Variants in KIF17 observed in about 807,000 individuals in gnomAD.
KIF17 encodes the protein kinesin family member 17.
Under a neutral mutation model 96.8 loss-of-function variants are expected in KIF17, and 80 were observed. The observed-to-expected ratio is 0.83, with a 90% CI of 0.69 to 1.00. The LOEUF (loss-of-function observed/expected upper bound fraction) is 1.00, where lower values mean the gene tolerates loss of function less well. KIF17 is among the 50% of genes least tolerant of loss of function. The pLI is 0.00. For missense variants in KIF17, 1,280 were observed against 1,372.9 expected (o/e 0.93, Z 1.07); for synonymous variants, 567 against 587.5 (o/e 0.97, Z 0.51).
chr1:20,673,524 G>A (rs986826355), intron 11 of KIF17, among the ~76,000 whole-genome samples: 8 of 146,230 alleles, frequency 5.5e-5, no homozygotes, highest in African/African-American at 2.0e-4. Flanking sequence ...CAGTGGCCCA[G>A]CCTGCTCCAT....
At position 20,711,701 on chromosome 1, in the gene KIF17, C is replaced by T. The variant is rs368396776; in HGVS notation, c.480+1753G>A. Among the ~76,000 whole-genome samples the T allele has an allele frequency of 2.0e-5, 3 of 152,182 alleles. No individual in the cohort carries two copies. The East Asian group carries it at 5.8e-4, about 29-fold the overall frequency. ...GTGGCTAGGGGGAGGGGATAGAACT[C>T]TGCTTCCCCAAACCTCTTGCTGGCC... On this transcript the variant is annotated intron_variant, in intron 3 of 14. Transcript: ENST00000400463.
At chr1:20,673,320 C>T (rs1280410028) in intron 11 of KIF17, among the ~76,000 whole-genome samples, 2 of 152,100 alleles carry the variant, frequency 1.3e-5, no homozygotes, top group Non-Finnish European at 2.9e-5. Flanking sequence ...GTGGGCAGGA[C>T]AGCCACAGAG....
chr1:20,680,636 C>T (rs1046164034), intron 11 of KIF17, among the ~76,000 whole-genome samples: 2 of 152,006 alleles, frequency 1.3e-5, no homozygotes, highest in African/African-American at 4.8e-5. Context: ...CTTAAACAGG[C>T]ATTCACAGGT....
At chr1:20,680,771 C>G (rs1485287215) in intron 11 of KIF17, among the ~76,000 whole-genome samples, 2 of 151,926 alleles carry the variant, frequency 1.3e-5, no homozygotes, top group Non-Finnish European at 2.9e-5. Context: ...TTCAAGATAT[C>G]TACGGGAGAA....
At chr1:20,670,355 C>T in intron 13 of KIF17, 66 bp downstream of exon 13, 1 of 1,448,328 alleles carries the variant, frequency 6.9e-7, no homozygotes. Flanking sequence ...GTAACACTGA[C>T]CCACAGCACT....
chr1:20,669,315 A>G (rs1318201986), intron 13 of KIF17, among the ~76,000 whole-genome samples: 4 of 151,990 alleles, frequency 2.6e-5, no homozygotes, highest in Non-Finnish European at 4.4e-5. Context: ...AAGCGGGCAG[A>G]TCACGAGGTC....
intron 11 of KIF17, among the ~76,000 whole-genome samples, chr1:20,676,539 T>C (rs1185529355): frequency 5.3e-5 from 8 of 152,138 alleles, no homozygotes; most frequent in African/African-American, 1.9e-4. Context: ...AAAATGCAAA[T>C]TAAAATTGAT....
intron 12 of KIF17, among the ~76,000 whole-genome samples, chr1:20,671,615 G>A (rs960097380): frequency 1.3e-5 from 2 of 152,022 alleles, no homozygotes; most frequent in Admixed American, 6.6e-5. Flanking sequence ...GATTACAGGC[G>A]TGAGCCACCA....
At position 20,687,889 on chromosome 1, in the gene KIF17, C is replaced by T. The variant is rs1251082518; in HGVS notation, c.1437G>A (p.Glu479=). 1 of 1,613,852 alleles carries T rather than the reference C, an allele frequency of 6.2e-7. No homozygotes were observed. The highest frequency in any genetic ancestry group is 1.3e-5 in the African/African-American group (1 of 74,932). Residue 479 remains glutamate, a synonymous_variant, in exon 8 of 15, where the codon GAG becomes GAA. Transcript: ENST00000400463. This position sits in a 1 kb window ranked among gnomAD's most constrained non-coding sequence, Gnocchi z 4.4. ...LYKAEVMSRA[E]FASSAEYPPA... ...GCGGGTACTCAGCGCTGCTGGCAAA[C>T]TCAGCCCTGGACATGACCTCAGCCT...
At chr1:20,714,056 G>A (rs1171837989) in intron 2 of KIF17, among the ~76,000 whole-genome samples, 9 of 152,072 alleles carry the variant, frequency 5.9e-5, no homozygotes, top group East Asian at 1.9e-4. Context: ...GGCCAAGCGC[G>A]GTGGCTCACG....
At position 20,704,360 on chromosome 1, in the gene KIF17, G is replaced by A. The variant is rs1258218143; in HGVS notation, c.1123+87C>T. The A allele has an allele frequency of 9.1e-7, 1 of 1,096,762 alleles. No homozygotes were observed. The highest frequency in any genetic ancestry group is 1.4e-6 in the Non-Finnish European group (1 of 739,362). The allele number at this position is 1,096,762 out of a possible 1,614,324, so 67.9% of individuals were successfully genotyped here. ...GGATGCTGCTCCCACTGTCTTTTAG[G>A]TGGGAAGTTGGAGGCGAGAAGACAG... On this transcript the variant is annotated intron_variant, in intron 5 of 14. Transcript: ENST00000400463. This position sits in a 1 kb window ranked among gnomAD's most constrained non-coding sequence, Gnocchi z 6.8.
intron 2 of KIF17, among the ~76,000 whole-genome samples, chr1:20,714,066 G>A (rs1024969185): frequency 3.9e-5 from 6 of 152,102 alleles, no homozygotes; most frequent in Non-Finnish European, 7.4e-5. Flanking sequence ...GGTGGCTCAC[G>A]CCTGCAATCC....
chr1:20,684,316 A>G (rs1044239770), intron 10 of KIF17, among the ~76,000 whole-genome samples: 3 of 151,938 alleles, frequency 2.0e-5, no homozygotes, highest in Non-Finnish European at 2.9e-5. Context: ...CGCCTGTTGA[A>G]CCCCTGGATG....
chr1:20,663,213 G>A (rs906966872), downstream of KIF17, among the ~76,000 whole-genome samples: 2 of 152,122 alleles, frequency 1.3e-5, no homozygotes, highest in Non-Finnish European at 2.9e-5. Flanking sequence ...GTGACAGAGC[G>A]AGACTCAGTC....
chr1:20,672,084 T>A lies in KIF17; in HGVS notation c.2576A>T (p.Gln859Leu). The A allele has an allele frequency of 6.2e-7, 1 of 1,614,228 alleles. No individual in the cohort carries two copies. The part of the protein sequence containing the change: ...RQERDSMLLQ[Q>L]LLEQVQPLIR... ...CAGGGGCTGCACCTGCTCCAGGAGC[T>A]GCTGCAAGAGCATGGAGTCACGCTC... The change falls in exon 12 of 15, where the codon CAG becomes CTG. Residue 859 changes from glutamine (Q) to leucine (L), a missense_variant. Physicochemically the swap from Gln to Leu is moderately radical, Grantham distance 113. Transcript: ENST00000400463. The surrounding 1 kb of genome is among the most constrained non-coding windows in gnomAD (Gnocchi z 4.3).
chr1:20,684,135 A>G (rs934732113), intron 10 of KIF17, among the ~76,000 whole-genome samples: 2 of 152,224 alleles, frequency 1.3e-5, no homozygotes, highest in Non-Finnish European at 2.9e-5. Flanking sequence ...GAGCTAGTGG[A>G]GGAGGCAGGC....
In KIF17 at chr1:20,666,242, G is replaced by T; in HGVS notation, c.2880C>A (p.Ile960=). 1 of 1,614,080 alleles carries T rather than the reference G, an allele frequency of 6.2e-7. No homozygotes were observed. Among genetic ancestry groups the T allele is most frequent in the Non-Finnish European group, 8.5e-7 (1 of 1,179,904 alleles). ...NYFRSKRASQ[I]LSTDARKSLT... is the part of the protein sequence containing the mutation. ...GGCTCTTCCTGGCGTCTGTGCTGAG[G>T]ATCTGGCTGGCCCGCTTAGATCGGA... is the stretch of plus-strand genomic sequence containing the variant. The change falls in exon 14 of 15, where the codon ATC becomes ATA. Residue 960 remains isoleucine (I), a synonymous_variant. Transcript: ENST00000400463.
chr1:20,684,875 C>G lies in KIF17; in HGVS notation c.2165G>C (p.Gly722Ala). 6.3e-7 allele frequency: 1 copy of G among 1,597,620 alleles called. No individual in the cohort carries two copies. Among genetic ancestry groups the G allele is most frequent in the Non-Finnish European group, 8.5e-7 (1 of 1,172,290 alleles). The change falls in exon 10 of 15, where the codon GGC becomes GCC. Residue 722 changes from glycine (G) to alanine (A), a missense_variant. By Grantham distance (60) the Gly-to-Ala change is moderately conservative. Coordinates refer to ENST00000400463, the MANE Select transcript of KIF17 (RefSeq NM_001122819.3). ...ATAGVKRESV[G>A]MEVAVLTDDP... is the part of the protein sequence containing the mutation. ...ATCAGTCAGCACTGCCACCTCCATGCCCACGCTCTCCCTCTTCACACCAGC... is the reference window on the plus strand; with the variant it reads ...ATCAGTCAGCACTGCCACCTCCATGGCCACGCTCTCCCTCTTCACACCAGC...
chr1:20,695,600 C>A (rs1003141895), intron 6 of KIF17, among the ~76,000 whole-genome samples: 6 of 152,230 alleles, frequency 3.9e-5, no homozygotes, highest in African/African-American at 1.4e-4. Flanking sequence ...CCCTCCTCTC[C>A]CCCCACATCC....
Sources: allele counts gnomAD v4.1 joint callset (sites outside exome capture counted in the v4.1 genomes callset), GRCh38; gene constraint gnomAD v4.1.1; non-coding constraint Gnocchi (gnomAD v3.1); transcripts MANE v1.5; gene names NCBI Gene and HGNC (gene_info 2026-07-23, HGNC 2026-07-21).